The following CFAP69 variants were observed in gnomAD, a reference collection of about 807,000 sequenced individuals.
CFAP69 encodes the protein cilia- and flagella-associated protein 69.
In CFAP69, 92 loss-of-function variants were observed where a neutral mutation model predicts 123.0. The ratio of observed to expected loss-of-function variants is 0.75; its 90% CI spans 0.63 to 0.89. The LOEUF is 0.89. CFAP69 is among the 40% of genes least tolerant of loss of function. The probability of loss-of-function intolerance (pLI) is 0.00; values close to 1 mark genes in which losing one functional copy is unlikely to be tolerated. For synonymous variants in CFAP69, 380 were observed against 364.3 expected, an observed-to-expected ratio of 1.04 and a Z score of -0.49; for missense variants, 1,067 against 1,096.9, an observed-to-expected ratio of 0.97 and a Z score of 0.39.
At chr7:90,257,661 A>G (rs1476782237) in intron 2 of CFAP69, among the ~76,000 whole-genome samples, 1 of 152,196 alleles carries the variant, frequency 6.6e-6, no homozygotes, top group African/African-American at 2.4e-5. Context: ...ATTTCACTTA[A>G]TATCTTCTAG....
Position 90,266,989 on chromosome 7 carries a change from T to A in CFAP69, c.434-1297T>A, listed in dbSNP as rs147583050. ...TGAAACAGGAAGCTATGATAAATTATCTAAATTTACAGGAACTAAAACAGT... is the reference window on the plus strand; with the variant it reads ...TGAAACAGGAAGCTATGATAAATTAACTAAATTTACAGGAACTAAAACAGT... On this transcript the variant is annotated intron_variant, in intron 5 of 22. Coordinates refer to ENST00000389297, the MANE Select transcript of CFAP69 (RefSeq NM_001039706.3). Among the ~76,000 whole-genome samples the A allele has an allele frequency of 2.9e-3, 436 of 152,270 alleles. 5 individuals are homozygous for A. The highest frequency in any genetic ancestry group is 0.01 in the African/African-American group (421 of 41,542).
intron 1 of CFAP69, among the ~76,000 whole-genome samples, chr7:90,247,575 T>C (rs1796484323): frequency 6.6e-6 from 1 of 152,148 alleles, no homozygotes; most frequent in South Asian, 2.1e-4. Context: ...AGGCCGGGTG[T>C]GGTGGTTCAC....
At chr7:90,295,085 G>T (rs750242835) in intron 15 of CFAP69, among the ~76,000 whole-genome samples, 1 of 152,150 alleles carries the variant, frequency 6.6e-6, no homozygotes, top group African/African-American at 2.4e-5. Context: ...GGAGGAAAAA[G>T]CTTCCTCTGT....
chr7:90,305,567 A>AT (rs1410544094), intron 19 of CFAP69, among the ~76,000 whole-genome samples: 1 of 151,006 alleles, frequency 6.6e-6, no homozygotes, highest in African/African-American at 2.4e-5. Context: ...TAATTTTTGT[A>AT]TTTTTTAATT....
At chr7:90,296,513 A>G (rs1791999127) in intron 15 of CFAP69, among the ~76,000 whole-genome samples, 1 of 151,952 alleles carries the variant, frequency 6.6e-6, no homozygotes, top group Non-Finnish European at 1.5e-5. Flanking sequence ...TTTTTAGTAG[A>G]GACCTCGTTT....
intron 5 of CFAP69, among the ~76,000 whole-genome samples, chr7:90,266,579 A>G (rs1051420374): frequency 1.3e-5 from 2 of 152,160 alleles, no homozygotes; most frequent in East Asian, 1.9e-4. Context: ...TTATAAATAC[A>G]TGGCTCACTT....
chr7:90,270,344 T>C (rs1799773014), intron 6 of CFAP69: 1 of 152,160 alleles, frequency 6.6e-6, no homozygotes, highest in African/African-American at 2.4e-5. Context: ...AAACACTTTA[T>C]AGGATGGGGA....
chr7:90,300,517 T>A (rs1454639203), intron 17 of CFAP69: 14 of 692,612 alleles, frequency 2.0e-5, no homozygotes, highest in Non-Finnish European at 2.5e-5. Context: ...AAGAAGATAT[T>A]GTTTCCTAAA....
At chr7:90,295,307 A>T (rs1791782219) in intron 15 of CFAP69, among the ~76,000 whole-genome samples, 1 of 152,094 alleles carries the variant, frequency 6.6e-6, no homozygotes, top group South Asian at 2.1e-4. Context: ...GGGTCGGTCA[A>T]GTTTCCTTGC....
intron 1 of CFAP69, 38 bp downstream of exon 1, chr7:90,245,582 G>A: frequency 1.4e-6 from 2 of 1,445,880 alleles, no homozygotes; most frequent in Non-Finnish European, 9.1e-7. Flanking sequence ...GGTGGAGGGG[G>A]TGGGAGTGAA....
At chr7:90,249,725 G>A (rs17862131) in intron 1 of CFAP69, among the ~76,000 whole-genome samples, 2,586 of 152,252 alleles carry the variant, frequency 0.017, 33 homozygotes, top group Non-Finnish European at 0.028. Context: ...TGCATATGGA[G>A]CACATGGGGA....
intron 4 of CFAP69, 29 bp from the exon 5 acceptor site, chr7:90,265,272 A>T: frequency 7.0e-7 from 1 of 1,428,906 alleles, no homozygotes; most frequent in Non-Finnish European, 9.8e-7. Context: ...ATTAAAAATT[A>T]CTGTTACAAT....
chr7:90,251,743 T>C (rs1323848019), intron 1 of CFAP69, among the ~76,000 whole-genome samples: 3 of 152,160 alleles, frequency 2.0e-5, no homozygotes, highest in African/African-American at 4.8e-5. Context: ...GAGAGAAATC[T>C]TTAAAAATCT....
At chr7:90,283,204 A>G in intron 13 of CFAP69, 148 bp downstream of exon 13, 1 of 538,694 alleles carries the variant, frequency 1.9e-6, no homozygotes, top group Non-Finnish European at 3.0e-6. Context: ...TATTGCTGCT[A>G]TAAATTAGTG....
At chr7:90,296,312 GT>G (rs1191249824) in intron 15 of CFAP69, among the ~76,000 whole-genome samples, 1 of 152,022 alleles carries the variant, frequency 6.6e-6, no homozygotes, top group Admixed American at 6.6e-5. Flanking sequence ...CTGAGGCACG[GT>G]TTTTTGTTGT....
chr7:90,247,519 G>A (rs1159036665), intron 1 of CFAP69, among the ~76,000 whole-genome samples: 2 of 152,104 alleles, frequency 1.3e-5, no homozygotes, highest in Admixed American at 6.6e-5. Flanking sequence ...TGGAGATAAT[G>A]ACAGTACTCA....
intron 3 of CFAP69, among the ~76,000 whole-genome samples, chr7:90,261,325 G>C (rs565577916): frequency 1.3e-5 from 2 of 151,988 alleles, no homozygotes; most frequent in African/African-American, 4.8e-5. Context: ...CACCTGCCTC[G>C]GACTCCCAAA....
intron 20 of CFAP69, 109 bp downstream of exon 20, chr7:90,307,207 C>T (rs1793735927): frequency 2.7e-6 from 2 of 732,414 alleles, no homozygotes; most frequent in Non-Finnish European, 4.7e-6. Context: ...AGTAGGACAA[C>T]TATAGTAACA....
intron 16 of CFAP69, among the ~76,000 whole-genome samples, chr7:90,299,147 T>C (rs961180741): frequency 6.6e-6 from 1 of 152,156 alleles, no homozygotes; most frequent in Non-Finnish European, 1.5e-5. Context: ...AAAGCTTACA[T>C]ATTTCCTTTG....
Sources: gnomAD v4.1 joint callset for allele counts (sites outside exome capture counted in the v4.1 genomes callset) on GRCh38, gnomAD v4.1.1 for gene constraint, MANE v1.5 for transcripts, NCBI Gene and HGNC (gene_info 2026-07-23, HGNC 2026-07-21) for gene names.